Variants in SPRTN observed in about 807,000 individuals in gnomAD.
SPRTN encodes DNA-dependent metalloprotease SPRTN.
SPRTN carries 11 observed loss-of-function variants against 31.9 expected under a neutral mutation model. The observed-to-expected ratio is 0.34, with a 90% CI of 0.22 to 0.57. SPRTN has a LOEUF of 0.57. Ranked by LOEUF, SPRTN falls within the 20% of genes least tolerant of loss-of-function variation. The pLI is 0.86. For synonymous variants in SPRTN, 185 were observed against 212.1 expected, an observed-to-expected ratio of 0.87 and a Z score of 1.11; for missense variants, 482 against 590.1, an observed-to-expected ratio of 0.82 and a Z score of 1.90.
chr1:231,338,650 T>C, intron 1 of SPRTN, 46 bp downstream of exon 1: 1 of 1,607,352 alleles, frequency 6.2e-7, no homozygotes, highest in Non-Finnish European at 8.5e-7. Flanking sequence ...CTGGCAGCTT[T>C]CCTGCAGCCC....
intron 2 of SPRTN, 172 bp downstream of exon 2, chr1:231,340,040 T>C: frequency 2.1e-6 from 1 of 475,898 alleles, no homozygotes; most frequent in Non-Finnish European, 3.6e-6. Flanking sequence ...TTTATAGTGC[T>C]TCATAGTAAA....
At chr1:231,343,350 G>C (rs116335091) in intron 2 of SPRTN, among the ~76,000 whole-genome samples, 2,307 of 151,520 alleles carry the variant, frequency 0.015, 55 homozygotes, top group African/African-American at 0.054. Flanking sequence ...TATTACATAG[G>C]CTATACCATT....
At position 231,338,626 on chromosome 1, in the gene SPRTN, G is replaced by A. The variant is rs754677124; in HGVS notation, c.221+22G>A. 9.9e-6 allele frequency: 16 copies of A among 1,612,976 alleles called. No homozygotes were observed. The Admixed American group carries it at 1.7e-4, about 17-fold the overall frequency. On this transcript the variant is annotated intron_variant, in intron 1 of 4. Coordinates refer to ENST00000295050, the MANE Select transcript of SPRTN (RefSeq NM_032018.7). ...CCCTGTGAGTTCCGAGCCCCGCTGG[G>A]GAAAGAGGCGGGACTGGCAGCTTTC...
chr1:231,345,255 G>A (rs1027367317), intron 2 of SPRTN, among the ~76,000 whole-genome samples: 7 of 151,860 alleles, frequency 4.6e-5, no homozygotes, highest in African/African-American at 1.5e-4. Flanking sequence ...AGCCTCCCGA[G>A]TAGCTGGGAT....
Position 231,352,657 on chromosome 1 carries a change from A to G in SPRTN, c.766A>G (p.Lys256Glu), listed in dbSNP as rs142478304. The G allele has an allele frequency of 2.5e-4, 396 of 1,608,764 alleles. No individual in the cohort carries two copies. Among genetic ancestry groups the G allele is most frequent in the Non-Finnish European group, 2.9e-4 (344 of 1,178,428 alleles). ...CCAGCTAGTAATCCCTTTTAGTGGG[A>G]AAGGATATGTTCTAGGAGAAACAAG... ...EAQLVIPFSG[K>E]GYVLGETSNL... is the part of the protein sequence containing the mutation. Residue 256 changes from lysine to glutamate, a missense_variant, in exon 5 of 5, where the codon AAA (lysine) becomes GAA (glutamate). Physicochemically the swap from Lys to Glu is moderately conservative, Grantham distance 56. This residue lies in a region of SPRTN where 325 missense variants were observed against 350.2 expected (regional missense o/e 0.93). Coordinates refer to ENST00000295050, the MANE Select transcript of SPRTN (RefSeq NM_032018.7).
At chr1:231,352,076 A>T in intron 4 of SPRTN, 1 of 989,754 alleles carries the variant, frequency 1.0e-6, no homozygotes. Flanking sequence ...GATATGACAT[A>T]TATTTGCCAG....
intron 4 of SPRTN, 152 bp from the exon 5 acceptor site, chr1:231,352,457 GC>G (rs1386836193): frequency 2.2e-6 from 3 of 1,337,028 alleles, no homozygotes; most frequent in Non-Finnish European, 2.9e-6. Flanking sequence ...TCTGAAGATT[GC>G]CCTCCTCCCA....
chr1:231,339,455 A>G (rs1686794753), intron 1 of SPRTN: 3 of 575,256 alleles, frequency 5.2e-6, no homozygotes, highest in South Asian at 5.2e-5. Flanking sequence ...ATCGTATTCC[A>G]CTAGGTCCCC....
At chr1:231,344,680 GT>G in intron 2 of SPRTN, 1 of 304,298 alleles carries the variant, frequency 3.3e-6, no homozygotes, top group Non-Finnish European at 7.2e-6. Context: ...GATGGAAATT[GT>G]TTTTTAAAAA....
In SPRTN at chr1:231,353,433, C is replaced by G; in HGVS notation, c.*72C>G. 2 of 1,493,042 alleles carry G rather than the reference C, an allele frequency of 1.3e-6. No homozygotes were observed. The highest frequency in any genetic ancestry group is 8.8e-7 in the Non-Finnish European group (1 of 1,130,950). 92.5% of individuals were successfully genotyped at this position (1,493,042 alleles called of 1,614,324 possible). The stretch of plus-strand genomic sequence containing the variant: ...TGCTATGTCAGCCAGTCAGGAAGTT[C>G]TGGTTAATACTAAGATTTGTAGGTT... On this transcript the variant is annotated 3_prime_UTR_variant, in exon 5 of 5. Transcript: ENST00000295050.
In SPRTN at chr1:231,339,757, A is replaced by C. The variant is rs1686807419; in HGVS notation, c.222-12A>C. The C allele has an allele frequency of 1.9e-6, 3 of 1,613,808 alleles. No homozygotes were observed. The South Asian group carries it at 3.3e-5, about 18-fold the overall frequency. ...GCCAATGTAACACATTTTTATGGTGATTGTTTTCTAGGTGTGCTGGGATAT... is the reference window on the plus strand; with the variant it reads ...GCCAATGTAACACATTTTTATGGTGCTTGTTTTCTAGGTGTGCTGGGATAT... On this transcript the variant is annotated splice_polypyrimidine_tract_variant and intron_variant, in intron 1 of 4. Transcript: ENST00000295050.
intron 3 of SPRTN, among the ~76,000 whole-genome samples, chr1:231,350,824 GCGT>G (rs1553346245): frequency 2.0e-5 from 2 of 99,648 alleles, no homozygotes; most frequent in African/African-American, 6.0e-5. Flanking sequence ...TGTGTTGTTA[GCGT>G]CAGTCAGGCA....
intron 1 of SPRTN, chr1:231,339,553 T>TC (rs1370651815): frequency 6.7e-6 from 5 of 742,870 alleles, no homozygotes; most frequent in Non-Finnish European, 1.2e-5. Context: ...CACGCTGCTT[T>TC]CCTTCCTTGC....
rs777599257 is a variant in SPRTN at position 231,338,560 on chromosome 1, C to T, written c.177C>T (p.Gly59=). The T allele has an allele frequency of 4.1e-5, 66 of 1,614,116 alleles. No individual in the cohort carries two copies. The highest frequency in any genetic ancestry group is 5.5e-5 in the Non-Finnish European group (65 of 1,180,050). Residue 59 remains glycine, a synonymous_variant, in exon 1 of 5, where the codon GGC becomes GGT. Transcript: ENST00000295050. ...FVQFNDQFFW[G]QLEAVEVKWS... Reference sequence around the variant, plus strand: ...AGTTTAACGACCAATTCTTCTGGGGCCAGCTGGAGGCCGTCGAGGTGAAGT... The same window carrying T: ...AGTTTAACGACCAATTCTTCTGGGGTCAGCTGGAGGCCGTCGAGGTGAAGT...
chr1:231,347,662 C>A, intron 2 of SPRTN, 135 bp from the exon 3 acceptor site: 1 of 1,064,512 alleles, frequency 9.4e-7, no homozygotes, highest in Non-Finnish European at 1.3e-6. Context: ...CTGCACCCGG[C>A]CTAGAATGAG....
In SPRTN at chr1:231,339,826, C is replaced by G. The variant is rs760311031; in HGVS notation, c.279C>G (p.Ser93Arg). 6.2e-7 allele frequency: 1 copy of G among 1,614,066 alleles called. No homozygotes were observed. Among genetic ancestry groups the G allele is most frequent in the East Asian group, 2.2e-5 (1 of 44,878 alleles). Residue 93 changes from serine (S) to arginine (R), a missense_variant, in exon 2 of 5, where the codon AGC becomes AGG. Ser to Arg is a moderately radical substitution (Grantham distance 110). Transcript: ENST00000295050. ...GKGGMCSIRL[S>R]EPLLKLRPRK... Reference sequence around the variant, plus strand: ...GTGGAATGTGTTCCATCCGTCTCAGCGAACCCCTTTTGAAGTTGAGGCCAA... The same window carrying G: ...GTGGAATGTGTTCCATCCGTCTCAGGGAACCCCTTTTGAAGTTGAGGCCAA...
At chr1:231,339,593 C>T in intron 1 of SPRTN, 176 bp from the exon 2 acceptor site, 2 of 774,988 alleles carry the variant, frequency 2.6e-6, no homozygotes, top group Admixed American at 2.1e-5. Flanking sequence ...TCGCGGGAGG[C>T]GCCCGCGGGG....
chr1:231,349,140 TA>T lies in SPRTN; in HGVS notation c.450+1224del, dbSNP rs200589405. ...TGTGTGCCACCATGTCAAGCTAATT[TA>T]AAAAAAAATTTTTTTTTTTAGAGAC... On this transcript the variant is annotated intron_variant, in intron 3 of 4. Coordinates refer to ENST00000295050, the MANE Select transcript of SPRTN (RefSeq NM_032018.7). 3.2e-3 allele frequency among the ~76,000 whole-genome samples: 482 copies of T among 151,830 alleles called. 3 individuals are homozygous for T. Among genetic ancestry groups the T allele is most frequent in the Middle Eastern group, 6.8e-3 (2 of 294 alleles).
At position 231,353,528 on chromosome 1, in the gene SPRTN, A is replaced by C; in HGVS notation, c.*167A>C. Reference sequence around the variant, plus strand: ...ATACGCATATAAGATTGTAATTTTAAGATGTTTTGTGTCTCAGGGTGCTAC... The same window carrying C: ...ATACGCATATAAGATTGTAATTTTACGATGTTTTGTGTCTCAGGGTGCTAC... On this transcript the variant is annotated 3_prime_UTR_variant, in exon 5 of 5. Transcript: ENST00000295050. The C allele has an allele frequency of 7.4e-7, 1 of 1,343,038 alleles. No individual in the cohort carries two copies. Among genetic ancestry groups the C allele is most frequent in the Non-Finnish European group, 9.5e-7 (1 of 1,053,446 alleles). The allele number at this position is 1,343,038 out of a possible 1,614,324, so 83.2% of individuals were successfully genotyped here. A position where few individuals can be genotyped will look rare whatever the true frequency, so the allele number is the denominator to read the frequency against.
Sources: gnomAD v4.1 joint callset for allele counts (sites outside exome capture counted in the v4.1 genomes callset) on GRCh38, gnomAD v4.1.1 for gene constraint, gnomAD v4.1.1 regional missense constraint, MANE v1.5 for transcripts, NCBI Gene and HGNC (gene_info 2026-07-23, HGNC 2026-07-21) for gene names.